Variants in AKAP6 observed in about 807,000 individuals in gnomAD.
The protein encoded by AKAP6 is A-kinase anchoring protein 6.
Under a neutral mutation model 188.5 loss-of-function variants are expected in AKAP6, and 58 were observed. That is an observed-to-expected ratio of 0.31 (90% CI 0.25 to 0.38). AKAP6 has a LOEUF of 0.38. Ranked by LOEUF, AKAP6 falls within the 10% of genes least tolerant of loss-of-function variation. The probability of loss-of-function intolerance (pLI) is 1.00; values close to 1 mark genes in which losing one functional copy is unlikely to be tolerated. For missense variants in AKAP6, 2,710 were observed against 2,740.0 expected, an observed-to-expected ratio of 0.99 and a Z score of 0.24; for synonymous variants, 989 against 998.6, an observed-to-expected ratio of 0.99 and a Z score of 0.18.
At position 32,451,460 on chromosome 14, in the gene AKAP6, T is replaced by C. The variant is rs187014930; in HGVS notation, c.324+17643T>C. On this transcript the variant is annotated intron_variant, in intron 2 of 13. Transcript: ENST00000280979. ...TTATTTCCTAGTATGTGGACTAGTATCTAGGAAACTTGCCAAATTAGCATA... is the reference window on the plus strand; with the variant it reads ...TTATTTCCTAGTATGTGGACTAGTACCTAGGAAACTTGCCAAATTAGCATA... Among the ~76,000 whole-genome samples, 23 of 152,344 alleles carry C rather than the reference T, an allele frequency of 1.5e-4. No individual in the cohort carries two copies. The East Asian group carries it at 2.1e-3, about 14-fold the overall frequency.
intron 4 of AKAP6, among the ~76,000 whole-genome samples, chr14:32,550,787 C>T (rs1286819944): frequency 2.0e-5 from 3 of 152,188 alleles, no homozygotes; most frequent in Non-Finnish European, 4.4e-5. Flanking sequence ...TATAACAACC[C>T]TCTAAGGTAG....
At chr14:32,717,882 A>G (rs563617467) in intron 9 of AKAP6, among the ~76,000 whole-genome samples, 1 of 152,246 alleles carries the variant, frequency 6.6e-6, no homozygotes, top group East Asian at 1.9e-4. Context: ...ACCTCAGGCT[A>G]TTAAAAATCT....
intron 2 of AKAP6, among the ~76,000 whole-genome samples, chr14:32,506,919 A>G (rs771334109): frequency 6.6e-6 from 1 of 152,198 alleles, no homozygotes; most frequent in Non-Finnish European, 1.5e-5. Context: ...ATACACACAT[A>G]TACACACACA....
At chr14:32,357,122 C>T (rs1471911590) in intron 1 of AKAP6, among the ~76,000 whole-genome samples, 1 of 152,024 alleles carries the variant, frequency 6.6e-6, no homozygotes, top group Non-Finnish European at 1.5e-5. Flanking sequence ...GTCATTTTTG[C>T]CAACAAATAT....
At chr14:32,737,852 G>A (rs2031498743) in intron 11 of AKAP6, among the ~76,000 whole-genome samples, 1 of 152,188 alleles carries the variant, frequency 6.6e-6, no homozygotes, top group Non-Finnish European at 1.5e-5. Flanking sequence ...TTTGTAGACA[G>A]AACTGCGTTT....
intron 1 of AKAP6, among the ~76,000 whole-genome samples, chr14:32,359,690 C>G (rs897709312): frequency 1.3e-5 from 2 of 151,026 alleles, no homozygotes; most frequent in African/African-American, 4.9e-5. Flanking sequence ...CTTTCCTTGT[C>G]TTTTATGACC....
chr14:32,467,123 C>A (rs907492573), intron 2 of AKAP6, among the ~76,000 whole-genome samples: 1 of 148,656 alleles, frequency 6.7e-6, no homozygotes, highest in South Asian at 2.1e-4. Context: ...GGTGACGAGA[C>A]AATTTTTTCA....
At chr14:32,609,081 T>G (rs564898784) in intron 7 of AKAP6, among the ~76,000 whole-genome samples, 1 of 152,326 alleles carries the variant, frequency 6.6e-6, no homozygotes, top group South Asian at 2.1e-4. Flanking sequence ...CCCTGCCTGC[T>G]AAAGGGATTA....
At chr14:32,738,898 C>T (rs541409532) in intron 11 of AKAP6, among the ~76,000 whole-genome samples, 22 of 152,126 alleles carry the variant, frequency 1.4e-4, no homozygotes, top group African/African-American at 4.1e-4. Context: ...TGGCTGTGTT[C>T]AATAAAACTA....
intron 4 of AKAP6, among the ~76,000 whole-genome samples, chr14:32,565,690 G>A (rs1022764284): frequency 3.9e-5 from 6 of 152,166 alleles, no homozygotes; most frequent in African/African-American, 1.4e-4. Context: ...TTGTCTTCAG[G>A]ATAAAGTACA....
chr14:32,414,889 A>T (rs941742), intron 1 of AKAP6, among the ~76,000 whole-genome samples: 1 of 152,012 alleles, frequency 6.6e-6, no homozygotes, highest in African/African-American at 2.4e-5. Context: ...CACTGAATTT[A>T]GCTTGCCTTT....
intron 1 of AKAP6, among the ~76,000 whole-genome samples, chr14:32,414,952 A>G (rs934877613): frequency 2.6e-5 from 4 of 152,178 alleles, no homozygotes; most frequent in African/African-American, 7.2e-5. Context: ...AAGTAATTAC[A>G]TTATGTATTT....
intron 4 of AKAP6, among the ~76,000 whole-genome samples, chr14:32,570,178 C>T (rs1427907195): frequency 4.9e-5 from 7 of 142,836 alleles, no homozygotes; most frequent in African/African-American, 1.8e-4. Context: ...GTCACCAAAC[C>T]GGAGTGCAGT....
intron 5 of AKAP6, among the ~76,000 whole-genome samples, chr14:32,587,497 G>A (rs1885304823): frequency 6.6e-6 from 1 of 152,122 alleles, no homozygotes; most frequent in Non-Finnish European, 1.5e-5. Flanking sequence ...GACTAGGAAG[G>A]AACAAGCTTA....
chr14:32,812,150 AT>A (rs774829722), intron 12 of AKAP6, among the ~76,000 whole-genome samples: 1 of 152,148 alleles, frequency 6.6e-6, no homozygotes, highest in Non-Finnish European at 1.5e-5. Flanking sequence ...GGGGCCAGAT[AT>A]TATCATTGGG....
At chr14:32,576,827 T>C (rs1884740162) in intron 4 of AKAP6, among the ~76,000 whole-genome samples, 1 of 152,072 alleles carries the variant, frequency 6.6e-6, no homozygotes, top group Admixed American at 6.6e-5. Flanking sequence ...TTTTGATGTT[T>C]TGAGGTCACC....
At chr14:32,351,769 ATGTT>A (rs1566458350) in intron 1 of AKAP6, among the ~76,000 whole-genome samples, 1 of 152,250 alleles carries the variant, frequency 6.6e-6, no homozygotes, top group Non-Finnish European at 1.5e-5. Flanking sequence ...GTGTATGTAT[ATGTT>A]TATATATACA....
intron 7 of AKAP6, among the ~76,000 whole-genome samples, chr14:32,673,170 A>G (rs1349278055): frequency 1.3e-5 from 2 of 152,156 alleles, no homozygotes; most frequent in Non-Finnish European, 2.9e-5. Context: ...GGTCAGACCC[A>G]TTATCTCAGT....
intron 5 of AKAP6, among the ~76,000 whole-genome samples, chr14:32,580,954 G>A (rs966557897): frequency 3.5e-4 from 53 of 152,140 alleles, no homozygotes; most frequent in African/African-American, 1.1e-3. Context: ...GTCTATCATT[G>A]TTGGACATTT....
Sources: gnomAD v4.1 joint callset for allele counts (sites outside exome capture counted in the v4.1 genomes callset) on GRCh38, gnomAD v4.1.1 for gene constraint, MANE v1.5 for transcripts, NCBI Gene and HGNC (gene_info 2026-07-23, HGNC 2026-07-21) for gene names.